POGZ: variants seen among roughly 807,000 people sequenced by gnomAD.
POGZ encodes pogo transposable element with ZNF domain.
POGZ carries 17 observed loss-of-function variants against 134.6 expected under a neutral mutation model. That is an observed-to-expected ratio of 0.13 (90% CI 0.09 to 0.19). POGZ has a LOEUF of 0.19. Ranked by LOEUF, POGZ falls within the 10% of genes least tolerant of loss-of-function variation. The pLI is 1.00. For missense variants in POGZ, 1,306 were observed against 1,769.7 expected, an observed-to-expected ratio of 0.74 and a Z score of 4.70; for synonymous variants, 693 against 657.1, an observed-to-expected ratio of 1.05 and a Z score of -0.84.
At chr1:151,442,932 G>A (rs1360554257) in intron 1 of POGZ, among the ~76,000 whole-genome samples, 1 of 151,740 alleles carries the variant, frequency 6.6e-6, no homozygotes, top group Non-Finnish European at 1.5e-5. Flanking sequence ...GGGAGGCTGA[G>A]GCAGGAGAAT....
rs150930941 is a variant in POGZ at position 151,451,692 on chromosome 1, A to C, written c.-2+7460T>G. ...ACAGCAATAAAAGAACAAATTAAGT[A>C]TCACCACAAAGAAATAATGAGATAA... On this transcript the variant is annotated intron_variant, in intron 1 of 18. Transcript: ENST00000271715. 6.3e-3 allele frequency among the ~76,000 whole-genome samples: 952 copies of C among 152,134 alleles called. 17 individuals are homozygous for C. The highest frequency in any genetic ancestry group is 0.022 in the African/African-American group (898 of 41,562).
At chr1:151,434,983 C>T (rs1571496256) in intron 3 of POGZ, among the ~76,000 whole-genome samples, 1 of 151,932 alleles carries the variant, frequency 6.6e-6, no homozygotes, top group East Asian at 1.9e-4. Flanking sequence ...TCACTGCAAC[C>T]TCTGCCTCCT....
chr1:151,407,077 C>T (rs1425093221), intron 16 of POGZ, 54 bp from the exon 17 acceptor site: 1 of 1,425,964 alleles, frequency 7.0e-7, no homozygotes, highest in African/African-American at 1.4e-5. Flanking sequence ...ACACTTGAGA[C>T]CATTAAGCTT....
rs1657381439 is a variant in POGZ, at chr1:151,424,076, T to C, written c.1396A>G (p.Ile466Val). The C allele has an allele frequency of 2.5e-6, 4 of 1,614,146 alleles. No individual in the cohort carries two copies. The highest frequency in any genetic ancestry group is 1.3e-5 in the African/African-American group (1 of 75,046). Residue 466 changes from isoleucine to valine, a missense_variant, in exon 9 of 19, where the codon ATT becomes GTT. Physicochemically the swap from Ile to Val is conservative, Grantham distance 29 (BLOSUM62 3). Coordinates refer to ENST00000271715, the MANE Select transcript of POGZ (RefSeq NM_015100.4). ...NVGDAVQTKL[I>V]MLVDDFYYGR... ...TAGTAGAAGTCATCTACAAGCATAA[T>C]GAGTTTGGTCTGGACGGCATCGCCC...
intron 1 of POGZ, among the ~76,000 whole-genome samples, chr1:151,443,454 C>T (rs1188109829): frequency 5.3e-5 from 8 of 152,142 alleles, no homozygotes; most frequent in African/African-American, 1.9e-4. Flanking sequence ...AATCCCAGCA[C>T]TTTGGGAGGC....
chr1:151,425,863 G>A (rs1465428808), intron 7 of POGZ, among the ~76,000 whole-genome samples: 1 of 151,982 alleles, frequency 6.6e-6, no homozygotes, highest in Non-Finnish European at 1.5e-5. Context: ...AATTCTTTTG[G>A]GTATAGAATG....
intron 10 of POGZ, among the ~76,000 whole-genome samples, chr1:151,419,668 CAAAAAAAAAAAAAA>C (rs59593149): frequency 4.6e-5 from 2 of 43,650 alleles, no homozygotes; most frequent in East Asian, 1.3e-3. Flanking sequence ...GACCCTGTCT[CAAAAAAAAAAAAAA>C]AAAAAAAAAA....
chr1:151,409,221 ACTTTT>A (rs1420452329), intron 12 of POGZ, among the ~76,000 whole-genome samples: 1 of 151,866 alleles, frequency 6.6e-6, no homozygotes, highest in African/African-American at 2.4e-5. Flanking sequence ...CTAAAGTCAT[ACTTTT>A]TTTTCTATAC....
At chr1:151,409,321 G>A (rs1359906757) in intron 12 of POGZ, among the ~76,000 whole-genome samples, 3 of 151,984 alleles carry the variant, frequency 2.0e-5, no homozygotes, top group Non-Finnish European at 4.4e-5. Flanking sequence ...TGCTTTCGTG[G>A]GCAGTCTACA....
Position 151,428,351 on chromosome 1 carries a change from G to C in POGZ, c.631C>G (p.Pro211Ala). Reference protein sequence around the residue: ...GVPQVFSQMTPVRPGSTMPVR... With the variant: ...GVPQVFSQMTAVRPGSTMPVR... ...GGCATTGTGGAGCCTGGCCTCACAG[G>C]GGTCATCTGGGAGAACACTTGTGGA... The change falls in exon 6 of 19, where the codon CCT becomes GCT. Residue 211 changes from proline to alanine, a missense_variant. Around this residue, in one of 10 missense-constraint regions of POGZ, gnomAD observed 541 missense variants for 680.5 expected, o/e 0.80. Transcript: ENST00000271715. 1 of 1,613,834 alleles carries C rather than the reference G, an allele frequency of 6.2e-7. No homozygotes were observed. Among genetic ancestry groups the C allele is most frequent in the East Asian group, 2.2e-5 (1 of 44,882 alleles).
chr1:151,406,515 A>G (rs761180361), intron 18 of POGZ, 51 bp from the exon 19 acceptor site: 1 of 1,552,998 alleles, frequency 6.4e-7, no homozygotes, highest in South Asian at 1.2e-5. Context: ...TTCAACTAGG[A>G]AATTGAAACA....
In POGZ at chr1:151,423,442, G is replaced by A; in HGVS notation, c.1633C>T (p.Leu545Phe). The part of the protein sequence containing the change: ...CYRQFSTPFQ[L>F]QCHLENVHSP... ...TGAACATTTTCCAAGTGGCACTGAA[G>A]CTGGAAGGGAGTGGAAAACTGGCGG... The change falls in exon 10 of 19, where the codon CTT becomes TTT. Residue 545 changes from leucine to phenylalanine, a missense_variant. This residue lies in a region of POGZ where 541 missense variants were observed against 680.5 expected (regional missense o/e 0.80). Coordinates refer to ENST00000271715, the MANE Select transcript of POGZ (RefSeq NM_015100.4). The A allele has an allele frequency of 6.2e-7, 1 of 1,614,080 alleles. No homozygotes were observed. The highest frequency in any genetic ancestry group is 8.5e-7 in the Non-Finnish European group (1 of 1,179,932).
At chr1:151,417,844 A>T (rs1315245522) in intron 10 of POGZ, among the ~76,000 whole-genome samples, 4 of 152,208 alleles carry the variant, frequency 2.6e-5, no homozygotes, top group Admixed American at 6.5e-5. Context: ...CCAAAATATT[A>T]GCATGTAAAA....
chr1:151,420,961 T>C (rs964655828), intron 10 of POGZ, among the ~76,000 whole-genome samples: 6 of 146,170 alleles, frequency 4.1e-5, no homozygotes, highest in Admixed American at 2.9e-4. Flanking sequence ...TCAGATAGTA[T>C]TGAACCCTAT....
At chr1:151,446,678 C>A (rs1469820458) in intron 1 of POGZ, among the ~76,000 whole-genome samples, 1 of 146,960 alleles carries the variant, frequency 6.8e-6, no homozygotes, top group African/African-American at 2.5e-5. Context: ...ATCGCTTGAA[C>A]CTGAGAGGTG....
intron 11 of POGZ, 53 bp downstream of exon 11, chr1:151,412,243 G>A: frequency 1.1e-6 from 1 of 928,536 alleles, no homozygotes; most frequent in Non-Finnish European, 1.7e-6. Flanking sequence ...TAAATTCTTT[G>A]TATTCTTCCT....
At chr1:151,456,906 T>C (rs1234718315) in intron 1 of POGZ, among the ~76,000 whole-genome samples, 1 of 152,166 alleles carries the variant, frequency 6.6e-6, no homozygotes, top group Non-Finnish European at 1.5e-5. Context: ...ATAATAAATT[T>C]TACTGCTTCA....
intron 1 of POGZ, among the ~76,000 whole-genome samples, chr1:151,457,818 T>C (rs1226602056): frequency 1.3e-5 from 2 of 150,766 alleles, no homozygotes; most frequent in Admixed American, 6.6e-5. Flanking sequence ...TCCCAGCTAC[T>C]AGGAAGGCTG....
intron 3 of POGZ, among the ~76,000 whole-genome samples, chr1:151,434,787 T>G (rs1659305516): frequency 6.6e-6 from 1 of 152,018 alleles, no homozygotes; most frequent in Admixed American, 6.6e-5. Context: ...TTTTACCATG[T>G]TGGCCAGGAT....
Sources: allele counts gnomAD v4.1 joint callset (sites outside exome capture counted in the v4.1 genomes callset), GRCh38; gene constraint gnomAD v4.1.1; regional missense constraint gnomAD v4.1.1; transcripts MANE v1.5; gene names NCBI Gene and HGNC (gene_info 2026-07-23, HGNC 2026-07-21).